Variants in YPEL1 observed in about 807,000 individuals in gnomAD.
YPEL1 encodes the protein yippee like 1.
Under a neutral mutation model 17.3 loss-of-function variants are expected in YPEL1, and 7 were observed. The ratio of observed to expected loss-of-function variants is 0.40; its 90% CI spans 0.23 to 0.76. YPEL1 has a LOEUF of 0.76. YPEL1 is among the 30% of genes least tolerant of loss of function. The pLI, the probability that YPEL1 is intolerant of heterozygous loss-of-function variation, is 0.35. For synonymous variants in YPEL1, 59 were observed against 59.6 expected, an observed-to-expected ratio of 0.99 and a Z score of 0.05; for missense variants, 91 against 155.5, an observed-to-expected ratio of 0.59 and a Z score of 2.21.
intron 1 of YPEL1, among the ~76,000 whole-genome samples, chr22:21,718,143 A>C (rs1488234448): frequency 6.8e-6 from 1 of 147,674 alleles, no homozygotes; most frequent in African/African-American, 2.6e-5. Flanking sequence ...AAAAAAAAAA[A>C]CAAAAACAAA....
chr22:21,708,532 GT>G lies in YPEL1; in HGVS notation c.117+2095del, dbSNP rs1355088971. On this transcript the variant is annotated intron_variant, in intron 2 of 4. Coordinates refer to ENST00000339468, the MANE Select transcript of YPEL1 (RefSeq NM_013313.5). ...TTTGTACTTTATTAATAGAGACAGTGTTTTACCATGTTGGCCATGCTGGTCT... is the reference window on the plus strand; with the variant it reads ...TTTGTACTTTATTAATAGAGACAGTGTTTACCATGTTGGCCATGCTGGTCT... 2.0e-5 allele frequency among the ~76,000 whole-genome samples: 3 copies of G among 150,882 alleles called. No individual in the cohort carries two copies. In the East Asian group the frequency reaches 5.9e-4, roughly 30 times the overall value.
At position 21,722,287 on chromosome 22, in the gene YPEL1, G is replaced by A. The variant is rs551633430; in HGVS notation, c.-164-11379C>T. On this transcript the variant is annotated intron_variant, in intron 1 of 4. Transcript: ENST00000339468. Reference sequence around the variant, plus strand: ...CAAAATTAGCCAGATGTGGTGGCACGTGCCTGTAGTCCCAGCTACTTGGGA... The same window carrying A: ...CAAAATTAGCCAGATGTGGTGGCACATGCCTGTAGTCCCAGCTACTTGGGA... Among the ~76,000 whole-genome samples, 22 of 152,208 alleles carry A rather than the reference G, an allele frequency of 1.4e-4. No individual in the cohort carries two copies. The East Asian group carries it at 2.7e-3, about 19-fold the overall frequency.
chr22:21,716,871 T>TA (rs959672219), intron 1 of YPEL1, among the ~76,000 whole-genome samples: 1 of 152,196 alleles, frequency 6.6e-6, no homozygotes, highest in Non-Finnish European at 1.5e-5. Context: ...CTCCTCCACT[T>TA]ACCTGTACTC....
intron 1 of YPEL1, among the ~76,000 whole-genome samples, chr22:21,716,847 G>A (rs1053427628): frequency 6.6e-6 from 1 of 152,194 alleles, no homozygotes; most frequent in Non-Finnish European, 1.5e-5. Context: ...AAAGACCTGA[G>A]GCAGACCATG....
chr22:21,722,749 A>C (rs995609211), intron 1 of YPEL1: 5 of 152,178 alleles, frequency 3.3e-5, no homozygotes, highest in African/African-American at 1.2e-4. Flanking sequence ...CACAGTCCGT[A>C]ACCTCTGGGG....
rs746474096 is a variant in YPEL1, at chr22:21,703,930, C to T, written c.118-48G>A. On this transcript the variant is annotated intron_variant, in intron 2 of 4. Transcript: ENST00000339468. This position sits in a 1 kb window ranked among gnomAD's most constrained non-coding sequence, Gnocchi z 6.1. ...GATTGGCTGCGAGTGCTTTCTGGAA[C>T]GAAGCGGTGCTGCCCAGAACCAGGG... The T allele has an allele frequency of 1.5e-5, 23 of 1,557,516 alleles. No individual in the cohort carries two copies. Among genetic ancestry groups the T allele is most frequent in the Middle Eastern group, 1.7e-4 (1 of 6,018 alleles).
Position 21,700,763 on chromosome 22 carries a change from C to T in YPEL1, c.*366G>A, listed in dbSNP as rs2068057344. The T allele has an allele frequency of 5.9e-6, 1 of 168,656 alleles. No individual in the cohort carries two copies. Among genetic ancestry groups the T allele is most frequent in the Non-Finnish European group, 1.3e-5 (1 of 78,432 alleles). 10.4% of individuals were successfully genotyped at this position (168,656 alleles called of 1,614,324 possible). ...GTGCTGGGATTACAGGCGTGAGCCA[C>T]CGCACCCGGCCCCAGTTTGGTTTTC... On this transcript the variant is annotated 3_prime_UTR_variant, in exon 5 of 5. Transcript: ENST00000339468.
intron 1 of YPEL1, among the ~76,000 whole-genome samples, chr22:21,718,016 A>G (rs1358302694): frequency 1.3e-5 from 2 of 151,968 alleles, no homozygotes; most frequent in Non-Finnish European, 2.9e-5. Context: ...CTGTGGTCCC[A>G]GCTACTAGGG....
chr22:21,731,827 C>T (rs141408736), intron 1 of YPEL1, among the ~76,000 whole-genome samples: 18 of 152,268 alleles, frequency 1.2e-4, no homozygotes, highest in African/African-American at 4.3e-4. Flanking sequence ...AGTGGGGTAA[C>T]GTGCAATTTA....
At chr22:21,719,754 G>A (rs993648854) in intron 1 of YPEL1, among the ~76,000 whole-genome samples, 11 of 152,046 alleles carry the variant, frequency 7.2e-5, no homozygotes, top group Non-Finnish European at 1.2e-4. Flanking sequence ...GCGGCCGGAC[G>A]CGGTGGCTCA....
At chr22:21,704,331 G>A (rs2068096390) in intron 2 of YPEL1, among the ~76,000 whole-genome samples, 1 of 152,162 alleles carries the variant, frequency 6.6e-6, no homozygotes, top group Non-Finnish European at 1.5e-5. Context: ...GGTAGGGGGA[G>A]GTGTCCATAT....
intron 1 of YPEL1, among the ~76,000 whole-genome samples, chr22:21,717,137 TGGGGGG>T (rs921225062): frequency 3.3e-5 from 1 of 30,090 alleles, no homozygotes; most frequent in African/African-American, 9.5e-5. Context: ...AGGCCGGGGC[TGGGGGG>T]GCGGGGGGCG....
At chr22:21,731,380 C>T in intron 1 of YPEL1, among the ~76,000 whole-genome samples, 1 of 151,558 alleles carries the variant, frequency 6.6e-6, no homozygotes, top group Admixed American at 6.6e-5. Flanking sequence ...ATGTGCAACA[C>T]TAGCCTTGTT....
chr22:21,715,162 G>A (rs2068209129), intron 1 of YPEL1, among the ~76,000 whole-genome samples: 1 of 151,864 alleles, frequency 6.6e-6, no homozygotes, highest in African/African-American at 2.4e-5. Flanking sequence ...TGCATTAATG[G>A]GTTTCAAGTT....
chr22:21,704,583 G>T (rs1256305872), intron 2 of YPEL1, among the ~76,000 whole-genome samples: 4 of 151,702 alleles, frequency 2.6e-5, no homozygotes, highest in Non-Finnish European at 4.4e-5. Context: ...CTTAAACCCG[G>T]GAGGTGGAGG....
rs1352393250 is a variant in YPEL1 at position 21,703,234 on chromosome 22, C to T, written c.270+136G>A. The T allele has an allele frequency of 1.3e-6, 1 of 742,068 alleles. No homozygotes were observed. Among genetic ancestry groups the T allele is most frequent in the Non-Finnish European group, 2.3e-6 (1 of 436,614 alleles). The allele number at this position is 742,068 out of a possible 1,614,324, so 46.0% of individuals were successfully genotyped here. The stretch of plus-strand genomic sequence containing the variant: ...ATGCCTCACTGGAGTCTGGACTTCC[C>T]ACCTCGGCTGAGGAACTGGGGTTTC... On this transcript the variant is annotated intron_variant, in intron 4 of 4. Transcript: ENST00000339468. This position sits in a 1 kb window ranked among gnomAD's most constrained non-coding sequence, Gnocchi z 6.1.
rs2068089190 is a variant in YPEL1, at chr22:21,703,784, T to G, written c.161+55A>C. 22 of 1,586,130 alleles carry G rather than the reference T, an allele frequency of 1.4e-5. No individual in the cohort carries two copies. The highest frequency in any genetic ancestry group is 1.8e-5 in the Non-Finnish European group (21 of 1,163,970). ...TACACAGGGCACTGTGTAGGTGCCA[T>G]CCAGGCCGTCCCAGGGCCCGTGCCG... On this transcript the variant is annotated intron_variant, in intron 3 of 4. Transcript: ENST00000339468. This position sits in a 1 kb window ranked among gnomAD's most constrained non-coding sequence, Gnocchi z 6.1.
chr22:21,707,660 C>T (rs1264731869), intron 2 of YPEL1, among the ~76,000 whole-genome samples: 1 of 152,168 alleles, frequency 6.6e-6, no homozygotes, highest in African/African-American at 2.4e-5. Flanking sequence ...CATCAGTCTT[C>T]AATATTCTGG....
At chr22:21,715,766 T>C (rs112732568) in intron 1 of YPEL1, among the ~76,000 whole-genome samples, 19 of 69,528 alleles carry the variant, frequency 2.7e-4, no homozygotes, top group African/African-American at 1.9e-3. Flanking sequence ...CTTTTCTTTT[T>C]TTTTTTTTTT....
Sources: gnomAD v4.1 joint callset for allele counts (sites outside exome capture counted in the v4.1 genomes callset) on GRCh38, gnomAD v4.1.1 for gene constraint, Gnocchi (gnomAD v3.1) non-coding constraint, MANE v1.5 for transcripts, NCBI Gene and HGNC (gene_info 2026-07-23, HGNC 2026-07-21) for gene names.